CAPNS1: variants seen among roughly 807,000 people sequenced by gnomAD.
CAPNS1 encodes calpain small subunit 1.
In CAPNS1, 32 loss-of-function variants were observed where a neutral mutation model predicts 39.2. That is an observed-to-expected ratio of 0.82 (90% confidence interval 0.62 to 1.10). CAPNS1 has a LOEUF of 1.10. Among genes scored for constraint, CAPNS1 ranks in the 50% least tolerant of loss-of-function variants. CAPNS1 has a pLI of 0.00. For synonymous variants in CAPNS1, 153 were observed against 136.2 expected (o/e 1.12, Z -0.86); for missense variants, 353 against 373.1 (o/e 0.95, Z 0.44).
rs201667084 is a variant in CAPNS1, at chr19:36,141,229, G to A, written c.209+9G>A. The A allele has an allele frequency of 1.2e-5, 18 of 1,517,402 alleles. No individual in the cohort carries two copies. The highest frequency in any genetic ancestry group is 1.2e-4 in the Admixed American group (5 of 42,640). The allele number at this position is 1,517,402 out of a possible 1,614,324, so 94.0% of individuals were successfully genotyped here. A position where few individuals can be genotyped will look rare whatever the true frequency, so the allele number is the denominator to read the frequency against. ...GTCATCAGCGCCATCAGGTAAGGCG[G>A]AGACTATCAGAGGGGCGGGGCCTGG... On this transcript the variant is annotated intron_variant, in intron 2 of 10. Transcript: ENST00000246533.
chr19:36,146,129 G>C, intron 8 of CAPNS1, 67 bp from the exon 9 acceptor site: 1 of 1,585,036 alleles, frequency 6.3e-7, no homozygotes, highest in Non-Finnish European at 8.7e-7. Flanking sequence ...GTCTGGGCCT[G>C]ACTCCTGGGC....
intron 1 of CAPNS1, chr19:36,140,677 G>C (rs1974323721): frequency 6.7e-6 from 2 of 300,454 alleles, no homozygotes; most frequent in Non-Finnish European, 1.2e-5. Context: ...ACATTCTAGC[G>C]CCCAGACATG....
intron 9 of CAPNS1, among the ~76,000 whole-genome samples, chr19:36,146,543 T>G (rs1974573788): frequency 6.6e-6 from 1 of 151,286 alleles, no homozygotes; most frequent in African/African-American, 2.4e-5. Flanking sequence ...CAGGGCAGAG[T>G]GATGGGTTGT....
chr19:36,141,482 G>A (rs1299140739), intron 2 of CAPNS1: 3 of 1,257,480 alleles, frequency 2.4e-6, no homozygotes, highest in Non-Finnish European at 3.0e-6. Context: ...TGGTCCTGAG[G>A]GGACTGATGT....
At chr19:36,142,403 T>TAG in intron 3 of CAPNS1, 70 bp downstream of exon 3, 1 of 782,198 alleles carries the variant, frequency 1.3e-6, no homozygotes, top group Non-Finnish European at 2.2e-6. Context: ...CCTGTTCCTG[T>TAG]AGAGAAGCCC....
intron 9 of CAPNS1, among the ~76,000 whole-genome samples, chr19:36,147,162 A>G (rs1016902556): frequency 4.6e-5 from 7 of 152,172 alleles, no homozygotes; most frequent in African/African-American, 1.7e-4. Flanking sequence ...GTGTTAGTGT[A>G]CTGAATGCTG....
intron 6 of CAPNS1, among the ~76,000 whole-genome samples, chr19:36,144,336 C>G (rs971129805): frequency 6.6e-6 from 1 of 152,030 alleles, no homozygotes; most frequent in African/African-American, 2.4e-5. Context: ...GCAGAGGTTT[C>G]GTCACTGCAC....
intron 1 of CAPNS1, 144 bp from the exon 2 acceptor site, chr19:36,140,853 C>CCG: frequency 1.5e-6 from 2 of 1,308,124 alleles, no homozygotes; most frequent in East Asian, 5.6e-5. Flanking sequence ...CCCCACCCAT[C>CCG]CGCGGACAAC....
rs17881927 is a variant in CAPNS1, at chr19:36,147,681, G to A, written c.721+1369G>A. Among the ~76,000 whole-genome samples the A allele has an allele frequency of 1.8e-4, 27 of 152,208 alleles. 1 individual carries two copies. In the East Asian group the frequency reaches 5.2e-3, roughly 29 times the overall value. On this transcript the variant is annotated intron_variant, in intron 9 of 10. Coordinates refer to ENST00000246533, the MANE Select transcript of CAPNS1 (RefSeq NM_001749.4). ...CTTGGGAGGCTGAGGCGGGAGAATG[G>A]CATGAACCCAGGAGGCGGAGCTTGC...
At chr19:36,141,699 C>G in intron 2 of CAPNS1, 1 of 696,152 alleles carries the variant, frequency 1.4e-6, no homozygotes, top group Non-Finnish European at 1.8e-6. Flanking sequence ...GTAAATGGCC[C>G]AGAATGGGCT....
chr19:36,143,066 C>T lies in CAPNS1; in HGVS notation c.394C>T (p.Pro132Ser), dbSNP rs62111391. 7.2e-5 allele frequency: 116 copies of T among 1,614,124 alleles called. 1 individual carries two copies. In the Admixed American group the frequency reaches 1.9e-3, roughly 27 times the overall value. Reference protein sequence around the residue: ...NILNKVVTRHPDLKTDGFGID... With the variant: ...NILNKVVTRHSDLKTDGFGID... ...GACTTTCAACCTGTTACCCACAGAC[C>T]CTGATCTGAAGACTGATGGTTTTGG... is the stretch of plus-strand genomic sequence containing the variant. The change falls in exon 6 of 11, where the codon CCT (proline) becomes TCT (serine). Residue 132 changes from proline (P) to serine (S), a missense_variant and splice_region_variant. Pro to Ser is a moderately conservative substitution (Grantham distance 74). Coordinates refer to ENST00000246533, the MANE Select transcript of CAPNS1 (RefSeq NM_001749.4).
intron 2 of CAPNS1, 64 bp from the exon 3 acceptor site, chr19:36,142,236 C>T (rs1974398682): frequency 1.1e-6 from 1 of 949,582 alleles, no homozygotes; most frequent in Non-Finnish European, 1.7e-6. Context: ...GCTGATGGTT[C>T]TGTAGTGCTG....
At chr19:36,143,510 T>C (rs1974452583) in intron 6 of CAPNS1, among the ~76,000 whole-genome samples, 1 of 151,838 alleles carries the variant, frequency 6.6e-6, no homozygotes, top group Admixed American at 6.6e-5. Context: ...GCAGATCACC[T>C]GAGGTCAGGA....
chr19:36,149,593 T>C lies in CAPNS1; in HGVS notation c.737T>C (p.Leu246Pro). ...CCTCCTCCAGGTGCCTTCAAATCTC[T>C]TGACAAAGATGGCACTGGACAAATC... ...LDAMFRAFKS[L>P]DKDGTGQIQV... is the part of the protein sequence containing the mutation. The change falls in exon 10 of 11, where the codon CTT (leucine) becomes CCT (proline). Residue 246 changes from leucine (L) to proline (P), a missense_variant. By Grantham distance (98) the Leu-to-Pro change is moderately conservative (BLOSUM62 -3). Coordinates refer to ENST00000246533, the MANE Select transcript of CAPNS1 (RefSeq NM_001749.4). 1.3e-6 allele frequency: 2 copies of C among 1,492,652 alleles called. No homozygotes were observed. Among genetic ancestry groups the C allele is most frequent in the Non-Finnish European group, 1.8e-6 (2 of 1,119,052 alleles). The allele number at this position is 1,492,652 out of a possible 1,614,324, so 92.5% of individuals were successfully genotyped here.
chr19:36,143,457 T>C (rs946139627), intron 6 of CAPNS1, among the ~76,000 whole-genome samples: 1 of 152,112 alleles, frequency 6.6e-6, no homozygotes, highest in Non-Finnish European at 1.5e-5. Context: ...TCAGGCATGG[T>C]GGCTCATGCC....
chr19:36,148,545 T>C (rs1281893987), intron 9 of CAPNS1, among the ~76,000 whole-genome samples: 4 of 143,116 alleles, frequency 2.8e-5, no homozygotes, highest in African/African-American at 1.1e-4. Context: ...GCATGGTGGC[T>C]CACTCCTGTA....
chr19:36,146,230 C>A lies in CAPNS1; in HGVS notation c.639C>A (p.Ile213=). 1.2e-6 allele frequency: 2 copies of A among 1,613,794 alleles called. No homozygotes were observed. The highest frequency in any genetic ancestry group is 2.2e-5 in the South Asian group (2 of 91,018). Residue 213 remains isoleucine (I), a synonymous_variant, in exon 9 of 11, where the codon ATC becomes ATA. Coordinates refer to ENST00000246533, the MANE Select transcript of CAPNS1 (RefSeq NM_001749.4). The stretch of plus-strand genomic sequence containing the variant: ...TGAATGAGCATCTCTATAACATGAT[C>A]ATCCGACGCTACTCAGATGAAAGTG... ...FHLNEHLYNM[I]IRRYSDESGN...
At position 36,145,892 on chromosome 19, in the gene CAPNS1, A is replaced by G. The variant is rs773176014; in HGVS notation, c.525+18A>G. On this transcript the variant is annotated intron_variant, in intron 7 of 10. Coordinates refer to ENST00000246533, the MANE Select transcript of CAPNS1 (RefSeq NM_001749.4). ...GGTGGCAGGTGTGTAGAAACCTCTG[A>G]AATCCCTGGCACCCAGACCCCCAAG... The G allele has an allele frequency of 1.4e-5, 22 of 1,613,938 alleles. No homozygotes were observed. In the South Asian group the frequency reaches 2.3e-4, roughly 17 times the overall value.
intron 1 of CAPNS1, 181 bp from the exon 2 acceptor site, chr19:36,140,816 G>C (rs892673142): frequency 8.8e-6 from 7 of 796,238 alleles, no homozygotes; most frequent in Non-Finnish European, 1.1e-5. Context: ...GACCTGAGGA[G>C]GTTGCAAACC....
Sources: gnomAD v4.1 joint callset for allele counts (sites outside exome capture counted in the v4.1 genomes callset) on GRCh38, gnomAD v4.1.1 for gene constraint, MANE v1.5 for transcripts, NCBI Gene and HGNC (gene_info 2026-07-23, HGNC 2026-07-21) for gene names.